TEX11: variants seen among roughly 807,000 people sequenced by gnomAD.
The protein encoded by TEX11 is testis expressed 11.
TEX11 carries 7 observed loss-of-function variants against 84.4 expected under a neutral mutation model. The observed-to-expected ratio is 0.08, with a 90% confidence interval of 0.05 to 0.16. TEX11 has a LOEUF of 0.16. Ranked by LOEUF, TEX11 falls within the 10% of genes least tolerant of loss-of-function variation. TEX11 has a pLI of 1.00. For synonymous variants in TEX11, 264 were observed against 222.8 expected, an observed-to-expected ratio of 1.18 and a Z score of -1.64; for missense variants, 551 against 660.5, an observed-to-expected ratio of 0.83 and a Z score of 1.82.
chrX:70,660,933 A>G, intron 16 of TEX11, among the ~76,000 whole-genome samples: 1 of 111,806 alleles, frequency 8.9e-6, no homozygotes, highest in Non-Finnish European at 1.9e-5. Context: ...TCCAGTCTAC[A>G]GCTCCCAGTG....
chrX:70,877,944 C>T (rs182996085), intron 3 of TEX11, among the ~76,000 whole-genome samples: 4 of 110,396 alleles, frequency 3.6e-5, no homozygotes, highest in Admixed American at 1.9e-4. Context: ...TTTTGCAAGA[C>T]GAAAAGGGTT....
At chrX:70,903,686 A>T (rs1329806982) in intron 2 of TEX11, among the ~76,000 whole-genome samples, 1 of 110,603 alleles carries the variant, frequency 9.0e-6, no homozygotes, top group African/African-American at 3.3e-5. Flanking sequence ...ATGTTTGAAC[A>T]AACTGAGAAT....
chrX:70,716,645 A>C (rs2090505921), intron 13 of TEX11, among the ~76,000 whole-genome samples: 1 of 112,500 alleles, frequency 8.9e-6, no homozygotes, highest in Non-Finnish European at 1.9e-5. Context: ...GGAAAAGCGC[A>C]GTATTATGGT....
At chrX:70,597,651 G>A (rs1474598044) in intron 24 of TEX11, among the ~76,000 whole-genome samples, 2 of 111,777 alleles carry the variant, frequency 1.8e-5, no homozygotes, top group African/African-American at 6.5e-5. Context: ...TGTAAGAGCT[G>A]AAAATATAAA....
intron 4 of TEX11, among the ~76,000 whole-genome samples, chrX:70,864,074 T>C (rs1445834339): frequency 2.7e-5 from 3 of 111,389 alleles, no homozygotes; most frequent in Non-Finnish European, 5.6e-5. Flanking sequence ...CCAAGAAATA[T>C]GGGACTATGT....
chrX:70,641,408 C>G (rs2089656122), intron 17 of TEX11, among the ~76,000 whole-genome samples: 1 of 110,512 alleles, frequency 9.0e-6, no homozygotes, highest in South Asian at 4.0e-4. Context: ...CAGCTCTGCA[C>G]CAAGAGGACC....
At chrX:70,599,732 A>G (rs1330727396) in intron 24 of TEX11, among the ~76,000 whole-genome samples, 7 of 93,128 alleles carry the variant, frequency 7.5e-5, no homozygotes, top group African/African-American at 2.1e-4. Context: ...ATGTGATCTC[A>G]TTGTTCAATA....
At chrX:70,790,348 C>T (rs1168538594) in intron 9 of TEX11, among the ~76,000 whole-genome samples, 1 of 111,589 alleles carries the variant, frequency 9.0e-6, no homozygotes, top group Admixed American at 9.6e-5. Context: ...GGGAACTCCG[C>T]ATGGAGTCAC....
chrX:70,677,157 A>G (rs2090079434), intron 15 of TEX11, among the ~76,000 whole-genome samples: 1 of 112,033 alleles, frequency 8.9e-6, no homozygotes, highest in African/African-American at 3.2e-5. Context: ...ACAGTTTTAT[A>G]TTCCTATAAA....
At chrX:70,528,661 C>A (rs931959321), downstream of TEX11, among the ~76,000 whole-genome samples, 1 of 110,914 alleles carries the variant, frequency 9.0e-6, no homozygotes, top group African/African-American at 3.3e-5. Flanking sequence ...GCAACAGATT[C>A]TCAAGGATGT....
At chrX:70,870,138 T>A (rs949733899) in intron 4 of TEX11, among the ~76,000 whole-genome samples, 2 of 111,829 alleles carry the variant, frequency 1.8e-5, no homozygotes, top group African/African-American at 6.5e-5. Flanking sequence ...GGTTATACCC[T>A]CTGACATTTA....
At chrX:70,904,887 T>A in intron 2 of TEX11, among the ~76,000 whole-genome samples, 1 of 112,905 alleles carries the variant, frequency 8.9e-6, no homozygotes, top group Non-Finnish European at 1.9e-5. Flanking sequence ...ATTAGATCAT[T>A]AAAATTATTT....
intron 17 of TEX11, among the ~76,000 whole-genome samples, chrX:70,632,624 A>G (rs1355868995): frequency 9.0e-6 from 1 of 111,431 alleles, no homozygotes; most frequent in Non-Finnish European, 1.9e-5. Context: ...AAAAATTAGT[A>G]AAACCAAAAG....
intron 2 of TEX11, among the ~76,000 whole-genome samples, chrX:70,898,497 G>A (rs2091785147): frequency 8.9e-6 from 1 of 111,944 alleles, no homozygotes; most frequent in South Asian, 3.6e-4. Flanking sequence ...TATGGCTGGA[G>A]AAAACACCAT....
intron 24 of TEX11, among the ~76,000 whole-genome samples, chrX:70,605,112 C>T (rs1211471758): frequency 9.0e-6 from 1 of 111,628 alleles, no homozygotes; most frequent in African/African-American, 3.3e-5. Context: ...TATATAATCA[C>T]AGGCAGACAA....
At chrX:70,880,155 G>C (rs1419800213) in intron 2 of TEX11, 46 bp from the exon 3 acceptor site, 6 of 1,030,781 alleles carry the variant, frequency 5.8e-6, no homozygotes, top group South Asian at 5.5e-5. Context: ...TATTACCATT[G>C]GCTAAATGTA....
At chrX:70,801,987 G>A (rs937168394) in intron 9 of TEX11, among the ~76,000 whole-genome samples, 3 of 111,122 alleles carry the variant, frequency 2.7e-5, no homozygotes, top group East Asian at 2.8e-4. Context: ...TGCTAATATC[G>A]CAAAAAACAA....
In TEX11 at chrX:70,749,591, G is replaced by A. The variant is rs748341702; in HGVS notation, c.693-5372C>T. Among the ~76,000 whole-genome samples, 651 of 101,272 alleles carry A rather than the reference G, an allele frequency of 6.4e-3. 10 individuals are homozygous for A. The highest frequency in any genetic ancestry group is 0.013 in the South Asian group (26 of 1,978). The allele number at this position is 101,272 out of a possible 115,157, so 87.9% of individuals were successfully genotyped here. ...GATAGCTCTTATTATTTTGAAATAC[G>A]TCCCATCAATACCTAATTTATTGAG... On this transcript the variant is annotated intron_variant, in intron 9 of 29. Transcript: ENST00000374333.
At chrX:70,553,240 G>T in intron 27 of TEX11, 66 bp downstream of exon 27, 1 of 695,450 alleles carries the variant, frequency 1.4e-6, no homozygotes, top group Non-Finnish European at 2.1e-6. Flanking sequence ...AAGAACGATT[G>T]GTTACTTTTG....
Sources: allele counts gnomAD v4.1 joint callset (sites outside exome capture counted in the v4.1 genomes callset), GRCh38; gene constraint gnomAD v4.1.1; transcripts MANE v1.5; gene names NCBI Gene and HGNC (gene_info 2026-07-23, HGNC 2026-07-21).